Variants in TMEM108 observed in about 807,000 individuals in gnomAD.
The protein encoded by TMEM108 is transmembrane protein 108.
TMEM108 carries 12 observed loss-of-function variants against 35.1 expected under a neutral mutation model. The ratio of observed to expected loss-of-function variants is 0.34; its 90% CI spans 0.22 to 0.55. The LOEUF is 0.55. Ranked by LOEUF, TMEM108 falls within the 20% of genes least tolerant of loss-of-function variation. The pLI, the probability that TMEM108 is intolerant of heterozygous loss-of-function variation, is 0.89. For synonymous variants in TMEM108, 287 were observed against 308.6 expected (o/e 0.93, Z 0.73); for missense variants, 680 against 753.3 (o/e 0.90, Z 1.14).
chr3:133,050,401 A>G (rs976770352), intron 2 of TMEM108, among the ~76,000 whole-genome samples: 20 of 152,232 alleles, frequency 1.3e-4, no homozygotes, highest in Middle Eastern at 3.4e-3. Context: ...CAGATTTCCC[A>G]TATACCTCCT....
chr3:133,270,654 A>G lies in TMEM108; in HGVS notation c.40+41303A>G, dbSNP rs116494502. On this transcript the variant is annotated intron_variant, in intron 3 of 5. Transcript: ENST00000321871. ...TCCTGCCCAGAAGTAGGCAGGTATC[A>G]TGAGCATCTTCTGCCCTCAAGAGGA... is the stretch of plus-strand genomic sequence containing the variant. Among the ~76,000 whole-genome samples the G allele has an allele frequency of 3.4e-3, 516 of 152,300 alleles. 2 individuals are homozygous for G. Among genetic ancestry groups the G allele is most frequent in the Non-Finnish European group, 5.5e-3 (371 of 68,028 alleles).
intron 3 of TMEM108, among the ~76,000 whole-genome samples, chr3:133,336,839 G>A (rs2071515836): frequency 6.6e-6 from 1 of 152,100 alleles, no homozygotes; most frequent in Non-Finnish European, 1.5e-5. Flanking sequence ...TGAGTCCCCA[G>A]GCCAGGCAGC....
chr3:133,110,732 C>T (rs890686682), intron 2 of TMEM108, among the ~76,000 whole-genome samples: 4 of 152,156 alleles, frequency 2.6e-5, no homozygotes, highest in Admixed American at 2.0e-4. Context: ...CCCACTGAAG[C>T]GAGACTGTCT....
chr3:133,304,410 A>G (rs932298658), intron 3 of TMEM108, among the ~76,000 whole-genome samples: 1 of 152,078 alleles, frequency 6.6e-6, no homozygotes, highest in Non-Finnish European at 1.5e-5. Flanking sequence ...AATTATTTTC[A>G]TAAATGTATG....
chr3:133,136,617 C>G (rs1944567972), intron 2 of TMEM108, among the ~76,000 whole-genome samples: 1 of 152,156 alleles, frequency 6.6e-6, no homozygotes, highest in Non-Finnish European at 1.5e-5. Flanking sequence ...GTTTTGACAG[C>G]AGGTGTGGTG....
intron 2 of TMEM108, among the ~76,000 whole-genome samples, chr3:133,071,675 T>A (rs1052050676): frequency 3.3e-5 from 5 of 152,212 alleles, no homozygotes; most frequent in Non-Finnish European, 7.4e-5. Context: ...TGCCCATTTT[T>A]AAAAAATTGT....
chr3:133,107,338 G>A (rs1944164464), intron 2 of TMEM108, among the ~76,000 whole-genome samples: 1 of 151,994 alleles, frequency 6.6e-6, no homozygotes, highest in African/African-American at 2.4e-5. Context: ...TCTAATTAGT[G>A]GAGATTTTTC....
intron 3 of TMEM108, among the ~76,000 whole-genome samples, chr3:133,355,017 G>C (rs572834133): frequency 6.6e-6 from 1 of 152,192 alleles, no homozygotes; most frequent in Non-Finnish European, 1.5e-5. Flanking sequence ...GTAGGCAAGT[G>C]TAAAGATACA....
At chr3:133,196,514 A>C (rs1384475052) in intron 2 of TMEM108, among the ~76,000 whole-genome samples, 2 of 152,222 alleles carry the variant, frequency 1.3e-5, no homozygotes, top group African/African-American at 4.8e-5. Context: ...CTATATCATA[A>C]ATTTACATGT....
rs747390187 is a variant in TMEM108, at chr3:133,379,851, C to T, written c.140C>T (p.Pro47Leu). ...SLQVLPSGTP[P>L]GTMVTAPHSS... ...CAGGTCCTCCCTTCAGGCACTCCCC[C>T]GGGAACCATGGTGACAGCACCCCAC... is the stretch of plus-strand genomic sequence containing the variant. Residue 47 changes from proline to leucine, a missense_variant, in exon 4 of 6, where the codon CCG (proline) becomes CTG (leucine). Pro to Leu is a moderately conservative substitution (Grantham distance 98). Coordinates refer to ENST00000321871, the MANE Select transcript of TMEM108 (RefSeq NM_023943.4). 1.7e-5 allele frequency: 28 copies of T among 1,613,886 alleles called. No individual in the cohort carries two copies. Among genetic ancestry groups the T allele is most frequent in the East Asian group, 2.2e-5 (1 of 44,886 alleles).
intron 3 of TMEM108, among the ~76,000 whole-genome samples, chr3:133,378,711 C>T (rs1370367869): frequency 6.6e-6 from 1 of 151,936 alleles, no homozygotes; most frequent in African/African-American, 2.4e-5. Flanking sequence ...ATAAAATCCA[C>T]ACATAACTAG....
intron 3 of TMEM108, among the ~76,000 whole-genome samples, chr3:133,298,085 T>C (rs1181125062): frequency 6.6e-6 from 1 of 152,172 alleles, no homozygotes; most frequent in South Asian, 2.1e-4. Context: ...GCCACGCTAC[T>C]GGAGAGAATT....
In TMEM108 at chr3:133,288,381, A is replaced by G. The variant is rs1576434268; in HGVS notation, c.40+59030A>G. On this transcript the variant is annotated intron_variant, in intron 3 of 5. Coordinates refer to ENST00000321871, the MANE Select transcript of TMEM108 (RefSeq NM_023943.4). Reference sequence around the variant, plus strand: ...CCCAAAGAATATTTCTACCCAGAACAAAGAAATCAGACCAAGCTTGATGTG... The same window carrying G: ...CCCAAAGAATATTTCTACCCAGAACGAAGAAATCAGACCAAGCTTGATGTG... Among the ~76,000 whole-genome samples the G allele has an allele frequency of 7.9e-5, 12 of 152,352 alleles. 1 individual carries two copies. In the South Asian group the frequency reaches 2.3e-3, roughly 29 times the overall value.
At chr3:133,368,578 G>T (rs368627307) in intron 3 of TMEM108, among the ~76,000 whole-genome samples, 1 of 152,144 alleles carries the variant, frequency 6.6e-6, no homozygotes, top group East Asian at 1.9e-4. Flanking sequence ...TGCATTTGAT[G>T]CAGTTAATGT....
rs561326148 is a variant in TMEM108, at chr3:133,136,712, G to A, written c.-47+90692G>A. On this transcript the variant is annotated intron_variant, in intron 2 of 5. Coordinates refer to ENST00000321871, the MANE Select transcript of TMEM108 (RefSeq NM_023943.4). Reference sequence around the variant, plus strand: ...CAGATTTGGGTAGGAAGAGGATCCCGTCACATCCAGGCATCTCTTGGCAGA... The same window carrying A: ...CAGATTTGGGTAGGAAGAGGATCCCATCACATCCAGGCATCTCTTGGCAGA... Among the ~76,000 whole-genome samples, 208 of 152,284 alleles carry A rather than the reference G, an allele frequency of 1.4e-3. 1 individual carries two copies. The highest frequency in any genetic ancestry group is 4.5e-3 in the African/African-American group (188 of 41,558).
At chr3:133,274,128 CAAACAGCTA>C (rs1946808912) in intron 3 of TMEM108, among the ~76,000 whole-genome samples, 1 of 152,210 alleles carries the variant, frequency 6.6e-6, no homozygotes, top group African/African-American at 2.4e-5. Flanking sequence ...ATGCTGCTCT[CAAACAGCTA>C]AAATTATCTG....
intron 3 of TMEM108, among the ~76,000 whole-genome samples, chr3:133,238,306 C>T (rs1033560238): frequency 1.3e-5 from 2 of 152,106 alleles, no homozygotes; most frequent in African/African-American, 2.4e-5. Context: ...CCAGTCTAAT[C>T]GGGAGCTTGA....
chr3:133,324,203 A>C (rs889047983), intron 3 of TMEM108, among the ~76,000 whole-genome samples: 5 of 152,230 alleles, frequency 3.3e-5, no homozygotes, highest in Non-Finnish European at 7.3e-5. Context: ...CCTTCTGTAC[A>C]GCAAAAGAAA....
At chr3:133,327,146 A>T (rs1029027124) in intron 3 of TMEM108, among the ~76,000 whole-genome samples, 1 of 152,170 alleles carries the variant, frequency 6.6e-6, no homozygotes. Context: ...GTGGACAAAC[A>T]TGTCCCTGCT....
Sources: allele counts gnomAD v4.1 joint callset (sites outside exome capture counted in the v4.1 genomes callset), GRCh38; gene constraint gnomAD v4.1.1; transcripts MANE v1.5; gene names NCBI Gene and HGNC (gene_info 2026-07-23, HGNC 2026-07-21).